Variants in KCNT2 observed in about 807,000 individuals in gnomAD.
The protein encoded by KCNT2 is potassium channel subfamily T member 2.
Under a neutral mutation model 153.8 loss-of-function variants are expected in KCNT2, and 67 were observed. That is an observed-to-expected ratio of 0.44 (90% CI 0.36 to 0.53). KCNT2 has a LOEUF of 0.53. Among genes scored for constraint, KCNT2 ranks in the 20% least tolerant of loss-of-function variants. KCNT2 has a pLI of 0.00. For missense variants in KCNT2, 975 were observed against 1,354.8 expected, an observed-to-expected ratio of 0.72 and a Z score of 4.40; for synonymous variants, 500 against 458.8, an observed-to-expected ratio of 1.09 and a Z score of -1.15.
At chr1:196,554,368 T>C (rs1658355901) in intron 1 of KCNT2, among the ~76,000 whole-genome samples, 1 of 151,340 alleles carries the variant, frequency 6.6e-6, no homozygotes, top group Non-Finnish European at 1.5e-5. Flanking sequence ...TAGTGAGTAC[T>C]ATGATCAACT....
At position 196,468,032 on chromosome 1, in the gene KCNT2, A is replaced by G. The variant is rs527459573; in HGVS notation, c.460-246T>C. ...AAATAATAATCTTTCACCAGATGGC[A>G]GATATCTATGCTAATTATATCATTG... On this transcript the variant is annotated intron_variant, in intron 6 of 27. Transcript: ENST00000294725. 1.7e-3 allele frequency among the ~76,000 whole-genome samples: 253 copies of G among 152,248 alleles called. 1 individual carries two copies. The highest frequency in any genetic ancestry group is 5.8e-3 in the African/African-American group (242 of 41,582).
chr1:196,353,204 C>T (rs902719214), intron 14 of KCNT2, among the ~76,000 whole-genome samples: 1 of 151,922 alleles, frequency 6.6e-6, no homozygotes, highest in African/African-American at 2.4e-5. Context: ...TCTCAGGAAA[C>T]TACATAAGCA....
At position 196,591,072 on chromosome 1, in the gene KCNT2, A is replaced by T. The variant is rs1663286866; in HGVS notation, c.95+17143T>A. ...AACACACAAAAAAAGAGAGATAGAGAATGATCCCCAATGTTGGAGGTGGGG... is the reference window on the plus strand; with the variant it reads ...AACACACAAAAAAAGAGAGATAGAGTATGATCCCCAATGTTGGAGGTGGGG... On this transcript the variant is annotated intron_variant, in intron 1 of 27. Transcript: ENST00000294725. Among the ~76,000 whole-genome samples the T allele has an allele frequency of 3.3e-5, 5 of 152,200 alleles. No individual in the cohort carries two copies. The South Asian group carries it at 1.0e-3, about 32-fold the overall frequency.
intron 1 of KCNT2, among the ~76,000 whole-genome samples, chr1:196,533,089 T>C (rs1655150500): frequency 6.6e-6 from 1 of 152,142 alleles, no homozygotes; most frequent in Non-Finnish European, 1.5e-5. Flanking sequence ...ATAAACGATG[T>C]ATGAAATAAA....
intron 1 of KCNT2, among the ~76,000 whole-genome samples, chr1:196,539,648 C>T (rs963737028): frequency 6.6e-6 from 1 of 151,964 alleles, no homozygotes; most frequent in African/African-American, 2.4e-5. Flanking sequence ...ACTTGACAGT[C>T]ATTAAATAAT....
intron 12 of KCNT2, among the ~76,000 whole-genome samples, chr1:196,415,570 T>C (rs1672687072): frequency 6.6e-6 from 1 of 151,792 alleles, no homozygotes; most frequent in South Asian, 2.1e-4. Context: ...CAGCCTATTG[T>C]TATGTCCGGA....
intron 13 of KCNT2, among the ~76,000 whole-genome samples, chr1:196,393,045 G>A (rs1055408834): frequency 1.3e-4 from 19 of 151,202 alleles, no homozygotes; most frequent in South Asian, 1.0e-3. Flanking sequence ...TCTCCTTTTC[G>A]TGAACAAATT....
chr1:196,462,238 T>C (rs1557966796), intron 8 of KCNT2, among the ~76,000 whole-genome samples: 1 of 151,704 alleles, frequency 6.6e-6, no homozygotes, highest in South Asian at 2.1e-4. Context: ...ATCTGTCATG[T>C]TACACTAAGA....
Position 196,321,715 on chromosome 1 carries a change from T to C in KCNT2, c.2277-2160A>G, listed in dbSNP as rs577324570. 3.3e-5 allele frequency among the ~76,000 whole-genome samples: 5 copies of C among 152,040 alleles called. No homozygotes were observed. In the South Asian group the frequency reaches 1.0e-3, roughly 31 times the overall value. On this transcript the variant is annotated intron_variant, in intron 19 of 27. Transcript: ENST00000294725. Reference sequence around the variant, plus strand: ...GATGAAGGATATCTAAGGTAAGTGGTCTATTATGCCGTATTCTTTGCAAAA... The same window carrying C: ...GATGAAGGATATCTAAGGTAAGTGGCCTATTATGCCGTATTCTTTGCAAAA...
chr1:196,297,029 T>C (rs912032476), intron 22 of KCNT2, among the ~76,000 whole-genome samples: 1 of 152,078 alleles, frequency 6.6e-6, no homozygotes, highest in Admixed American at 6.6e-5. Flanking sequence ...TTTGTCATCC[T>C]AGATGATACT....
At position 196,414,410 on chromosome 1, in the gene KCNT2, C is replaced by CA. The variant is rs1293759957; in HGVS notation, c.1185+8639dup. Among the ~76,000 whole-genome samples the CA allele has an allele frequency of 2.0e-5, 3 of 151,704 alleles. No homozygotes were observed. In the South Asian group the frequency reaches 6.2e-4, roughly 31 times the overall value. On this transcript the variant is annotated intron_variant, in intron 12 of 27. Coordinates refer to ENST00000294725, the MANE Select transcript of KCNT2 (RefSeq NM_198503.5). Reference sequence around the variant, plus strand: ...CTTCCTTAAGAAATCATAAGCATTTCACTAATTAATTTCACATTGTTATTC... The same window carrying CA: ...CTTCCTTAAGAAATCATAAGCATTTCAACTAATTAATTTCACATTGTTATTC...
intron 24 of KCNT2, 63 bp downstream of exon 24, chr1:196,282,210 C>A: frequency 2.4e-6 from 2 of 847,242 alleles, no homozygotes; most frequent in Non-Finnish European, 2.0e-6. Flanking sequence ...GCAAAGTACA[C>A]GGTAGATAGA....
intron 17 of KCNT2, among the ~76,000 whole-genome samples, chr1:196,332,473 C>A (rs1201221710): frequency 6.6e-6 from 1 of 151,898 alleles, no homozygotes; most frequent in African/African-American, 2.4e-5. Flanking sequence ...ACCTTTCTTA[C>A]AGTATTTTTT....
chr1:196,551,142 CT>C (rs1363428762), intron 1 of KCNT2, among the ~76,000 whole-genome samples: 1 of 151,776 alleles, frequency 6.6e-6, no homozygotes, highest in Non-Finnish European at 1.5e-5. Flanking sequence ...ATGCCTACCA[CT>C]TTGAGATTGA....
At chr1:196,456,889 A>G (rs1266398112) in intron 8 of KCNT2, among the ~76,000 whole-genome samples, 2 of 151,998 alleles carry the variant, frequency 1.3e-5, no homozygotes, top group Non-Finnish European at 2.9e-5. Context: ...ATATAGTTAA[A>G]CCAAAGAATA....
Position 196,279,957 on chromosome 1 carries a change from T to C in KCNT2, c.2910+903A>G, listed in dbSNP as rs568686874. On this transcript the variant is annotated intron_variant, in intron 25 of 27. Transcript: ENST00000294725. The stretch of plus-strand genomic sequence containing the variant: ...TTAATGATCATAGAAATTACTGAAA[T>C]GTATGTGTCTGATCTGAGCCTCAAA... 3.2e-4 allele frequency among the ~76,000 whole-genome samples: 48 copies of C among 152,204 alleles called. No individual in the cohort carries two copies. In the South Asian group the frequency reaches 9.6e-3, roughly 30 times the overall value.
intron 22 of KCNT2, among the ~76,000 whole-genome samples, chr1:196,290,512 A>G (rs1010211708): frequency 6.6e-6 from 1 of 151,626 alleles, no homozygotes; most frequent in Non-Finnish European, 1.5e-5. Context: ...CACAACCTTC[A>G]AGTATATCTA....
chr1:196,398,470 C>CT lies in KCNT2; in HGVS notation c.1294+92dup, dbSNP rs1671136461. On this transcript the variant is annotated intron_variant, in intron 13 of 27. Coordinates refer to ENST00000294725, the MANE Select transcript of KCNT2 (RefSeq NM_198503.5). ...TTTCAGTTCTTTAGAATCTTGAATA[C>CT]TTTAAGTTGCCACTTAGTTCAGAGA... 8.3e-6 allele frequency: 5 copies of CT among 599,496 alleles called. No individual in the cohort carries two copies. The South Asian group carries it at 1.2e-4, about 15-fold the overall frequency. The allele number at this position is 599,496 out of a possible 1,614,324, so 37.1% of individuals were successfully genotyped here. A position where few individuals can be genotyped will look rare whatever the true frequency, so the allele number is the denominator to read the frequency against.
At chr1:196,364,753 C>T (rs1252860782) in intron 14 of KCNT2, among the ~76,000 whole-genome samples, 2 of 152,156 alleles carry the variant, frequency 1.3e-5, no homozygotes, top group South Asian at 2.1e-4. Context: ...AACAGATAAA[C>T]TTAACAGCTA....
Sources: allele counts gnomAD v4.1 joint callset (sites outside exome capture counted in the v4.1 genomes callset), GRCh38; gene constraint gnomAD v4.1.1; transcripts MANE v1.5; gene names NCBI Gene and HGNC (gene_info 2026-07-23, HGNC 2026-07-21).